The following EML6 variants were observed in gnomAD, a reference collection of about 807,000 sequenced individuals.
EML6 encodes the protein echinoderm microtubule-associated protein-like 6.
EML6 carries 154 observed loss-of-function variants against 240.1 expected under a neutral mutation model. The ratio of observed to expected loss-of-function variants is 0.64; its 90% CI spans 0.56 to 0.73. The LOEUF is 0.73. Ranked by LOEUF, EML6 falls within the 30% of genes least tolerant of loss-of-function variation. The pLI is 0.00. For missense variants in EML6, 2,964 were observed against 2,474.6 expected, an observed-to-expected ratio of 1.20 and a Z score of -4.20; for synonymous variants, 1,148 against 899.0, an observed-to-expected ratio of 1.28 and a Z score of -4.95.
chr2:54,929,384 T>G (rs1281834319), intron 28 of EML6, among the ~76,000 whole-genome samples: 1 of 152,220 alleles, frequency 6.6e-6, no homozygotes, highest in African/African-American at 2.4e-5. Context: ...TGTCAAACAC[T>G]TTAGCATTTC....
At chr2:54,874,490 C>G (rs1465885079) in intron 16 of EML6, among the ~76,000 whole-genome samples, 1 of 152,186 alleles carries the variant, frequency 6.6e-6, no homozygotes, top group Non-Finnish European at 1.5e-5. Flanking sequence ...ATAACAATCA[C>G]TGGGAAAGAG....
At chr2:54,959,851 G>C (rs573408087) in intron 34 of EML6, among the ~76,000 whole-genome samples, 1 of 152,220 alleles carries the variant, frequency 6.6e-6, no homozygotes, top group Non-Finnish European at 1.5e-5. Flanking sequence ...GTTATTCTTA[G>C]TAGCTCTGTG....
At chr2:54,730,796 A>G (rs1243659696) in intron 2 of EML6, among the ~76,000 whole-genome samples, 1 of 152,200 alleles carries the variant, frequency 6.6e-6, no homozygotes, top group Non-Finnish European at 1.5e-5. Context: ...GGTGTAATTT[A>G]TTCTTTCATA....
intron 5 of EML6, among the ~76,000 whole-genome samples, chr2:54,824,201 G>A (rs1009876037): frequency 1.3e-5 from 2 of 151,920 alleles, no homozygotes; most frequent in Non-Finnish European, 2.9e-5. Flanking sequence ...CTTTTAAATC[G>A]GTAAATTCTA....
intron 22 of EML6, among the ~76,000 whole-genome samples, 171 bp from the exon 23 acceptor site, chr2:54,902,873 A>T (rs1457450556): frequency 6.6e-6 from 1 of 152,206 alleles, no homozygotes; most frequent in Non-Finnish European, 1.5e-5. Flanking sequence ...CTGCGCCCAG[A>T]CAAGAGGTGT....
At chr2:54,893,180 C>A (rs1672568080) in intron 19 of EML6, among the ~76,000 whole-genome samples, 1 of 152,152 alleles carries the variant, frequency 6.6e-6, no homozygotes, top group Admixed American at 6.6e-5. Context: ...ATCATAATTG[C>A]CCTGGTCTGT....
intron 3 of EML6, among the ~76,000 whole-genome samples, chr2:54,815,646 A>T: frequency 6.6e-6 from 1 of 152,334 alleles, no homozygotes; most frequent in Admixed American, 6.5e-5. Context: ...TGAAACCCTC[A>T]GTTAAAAAAT....
At position 54,892,672 on chromosome 2, in the gene EML6, C is replaced by G. The variant is rs946163053; in HGVS notation, c.2742+16C>G. On this transcript the variant is annotated intron_variant, in intron 19 of 41. Transcript: ENST00000356458. ...ACTGGATAAGGTATGGCCTGTGTATCAGCATTCATTTTCCTCATCAGCCTT... is the reference window on the plus strand; with the variant it reads ...ACTGGATAAGGTATGGCCTGTGTATGAGCATTCATTTTCCTCATCAGCCTT... 1 of 1,538,502 alleles carries G rather than the reference C, an allele frequency of 6.5e-7. No homozygotes were observed. Among genetic ancestry groups the G allele is most frequent in the African/African-American group, 1.4e-5 (1 of 72,662 alleles).
intron 12 of EML6, among the ~76,000 whole-genome samples, chr2:54,860,191 G>A (rs746646053): frequency 6.6e-6 from 1 of 152,158 alleles, no homozygotes; most frequent in Non-Finnish European, 1.5e-5. Flanking sequence ...TCTCCCTGTG[G>A]AGAGAATGGT....
chr2:54,795,416 C>T lies in EML6; in HGVS notation c.198-17816C>T, dbSNP rs991309390. On this transcript the variant is annotated intron_variant, in intron 2 of 41. Coordinates refer to ENST00000356458, the MANE Select transcript of EML6 (RefSeq NM_001039753.4). ...GCCCCCATTATCCAGTTACCCCCCA[C>T]CAGGCCCCTCCTCTGGCGTATGGGG... Among the ~76,000 whole-genome samples the T allele has an allele frequency of 9.7e-4, 147 of 152,170 alleles. 2 individuals are homozygous for T. The highest frequency in any genetic ancestry group is 3.4e-4 in the Non-Finnish European group (23 of 68,034).
At chr2:54,897,722 G>A (rs372885070) in intron 21 of EML6, among the ~76,000 whole-genome samples, 15 of 147,744 alleles carry the variant, frequency 1.0e-4, no homozygotes, top group East Asian at 4.0e-4. Flanking sequence ...TCTTTTTTTC[G>A]TCTTCTGCTC....
intron 5 of EML6, among the ~76,000 whole-genome samples, chr2:54,824,723 T>TG (rs1228608871): frequency 2.0e-5 from 3 of 152,150 alleles, no homozygotes; most frequent in African/African-American, 7.2e-5. Context: ...ACCGGGTTTG[T>TG]GGATACTGTT....
chr2:54,798,629 G>C (rs1280074818), intron 2 of EML6, among the ~76,000 whole-genome samples: 3 of 152,062 alleles, frequency 2.0e-5, no homozygotes, highest in Admixed American at 6.6e-5. Flanking sequence ...ATATGATCTT[G>C]TGTCTTGCAA....
chr2:54,787,295 T>TG (rs11329528), intron 2 of EML6, among the ~76,000 whole-genome samples: 65 of 151,412 alleles, frequency 4.3e-4, no homozygotes, highest in South Asian at 1.5e-3. Context: ...GGGTGAGGGT[T>TG]GGGGGGGGGT....
chr2:54,810,983 C>A (rs747620321), intron 2 of EML6, among the ~76,000 whole-genome samples: 1 of 152,178 alleles, frequency 6.6e-6, no homozygotes, highest in African/African-American at 2.4e-5. Flanking sequence ...AACCTTGTTG[C>A]CCGCACAAAA....
rs1027243585 is a variant in EML6 at position 54,950,755 on chromosome 2, G to A, written c.4189G>A (p.Gly1397Ser). 1 of 1,551,516 alleles carries A rather than the reference G, an allele frequency of 6.4e-7. No homozygotes were observed. Among genetic ancestry groups the A allele is most frequent in the African/African-American group, 1.4e-5 (1 of 73,154 alleles). ...ADIIFHTAAA[G>S]IVQNLSTGSQ... ...CATCATCTTCCACACAGCAGCGGCTGGCATCGTTCAGAACCTCTCCACAGG... is the reference window on the plus strand; with the variant it reads ...CATCATCTTCCACACAGCAGCGGCTAGCATCGTTCAGAACCTCTCCACAGG... Residue 1397 changes from glycine to serine, a missense_variant, in exon 30 of 42, where the codon GGC becomes AGC. Gly to Ser is a moderately conservative substitution (Grantham distance 56, BLOSUM62 0). Coordinates refer to ENST00000356458, the MANE Select transcript of EML6 (RefSeq NM_001039753.4).
chr2:54,850,746 G>T (rs1190252221), intron 10 of EML6, among the ~76,000 whole-genome samples: 5 of 152,322 alleles, frequency 3.3e-5, no homozygotes, highest in Admixed American at 3.3e-4. Flanking sequence ...CTGCTGGTGA[G>T]AACATGCACT....
intron 21 of EML6, among the ~76,000 whole-genome samples, chr2:54,898,801 G>C (rs1407505734): frequency 6.6e-6 from 1 of 152,082 alleles, no homozygotes; most frequent in Admixed American, 6.6e-5. Context: ...CAGTTAATCT[G>C]GTCTGTTTTA....
intron 3 of EML6, among the ~76,000 whole-genome samples, chr2:54,814,610 T>C (rs1395804800): frequency 6.6e-6 from 1 of 152,192 alleles, no homozygotes; most frequent in African/African-American, 2.4e-5. Flanking sequence ...TCAGAGTTAA[T>C]TCTGTAAGTT....
Sources: gnomAD v4.1 joint callset for allele counts (sites outside exome capture counted in the v4.1 genomes callset) on GRCh38, gnomAD v4.1.1 for gene constraint, MANE v1.5 for transcripts, NCBI Gene and HGNC (gene_info 2026-07-23, HGNC 2026-07-21) for gene names.